The following CDH1 variants were observed in gnomAD, a reference collection of about 807,000 sequenced individuals.
CDH1 encodes cadherin-1.
CDH1 carries 35 observed loss-of-function variants against 84.5 expected under a neutral mutation model. The observed-to-expected ratio is 0.41, with a 90% CI of 0.32 to 0.55. The LOEUF (loss-of-function observed/expected upper bound fraction) is 0.55. Among genes scored for constraint, CDH1 ranks in the 20% least tolerant of loss-of-function variants. The pLI, the probability that CDH1 is intolerant of heterozygous loss-of-function variation, is 0.19. For missense variants in CDH1, 994 were observed against 1,126.6 expected (o/e 0.88, Z 1.68); for synonymous variants, 417 against 439.0 (o/e 0.95, Z 0.63).
At chr16:68,778,938 A>G (rs1016660777) in intron 2 of CDH1, among the ~76,000 whole-genome samples, 9 of 152,076 alleles carry the variant, frequency 5.9e-5, no homozygotes, top group African/African-American at 2.2e-4. Context: ...AGAAGGCAGG[A>G]AGTTCTCTGG....
intron 14 of CDH1, among the ~76,000 whole-genome samples, chr16:68,828,849 A>G (rs1001770458): frequency 6.6e-6 from 1 of 152,046 alleles, no homozygotes; most frequent in Admixed American, 6.6e-5. Context: ...ATAGAAAGGG[A>G]TCCATGGGGG....
At chr16:68,809,246 A>G (rs1213272267) in intron 5 of CDH1, among the ~76,000 whole-genome samples, 4 of 100,984 alleles carry the variant, frequency 4.0e-5, no homozygotes, top group Non-Finnish European at 7.9e-5. Context: ...TTTTTTTGAG[A>G]TAGGGTTTCA....
chr16:68,801,485 G>A (rs547087390), intron 2 of CDH1, among the ~76,000 whole-genome samples, 185 bp from the exon 3 acceptor site: 1 of 152,298 alleles, frequency 6.6e-6, no homozygotes, highest in African/African-American at 2.4e-5. Flanking sequence ...CAGAGCACAA[G>A]GAAGTCATCC....
chr16:68,756,386 G>C (rs1375824398), intron 2 of CDH1, among the ~76,000 whole-genome samples: 1 of 152,022 alleles, frequency 6.6e-6, no homozygotes, highest in Non-Finnish European at 1.5e-5. Flanking sequence ...GTGGGGTGGG[G>C]CCCTGAGTCA....
At chr16:68,771,244 T>C (rs190985466) in intron 2 of CDH1, 2 of 152,116 alleles carry the variant, frequency 1.3e-5, no homozygotes, top group Non-Finnish European at 2.9e-5. Flanking sequence ...GATCTTCTTT[T>C]TCAGCCCTAG....
At chr16:68,756,860 G>A (rs1963030261) in intron 2 of CDH1, among the ~76,000 whole-genome samples, 1 of 152,128 alleles carries the variant, frequency 6.6e-6, no homozygotes, top group Non-Finnish European at 1.5e-5. Flanking sequence ...CAATTACCCA[G>A]GCATGGTGGC....
chr16:68,820,352 ATTT>A (rs1323169351), intron 11 of CDH1, among the ~76,000 whole-genome samples: 2 of 138,782 alleles, frequency 1.4e-5, no homozygotes, highest in Non-Finnish European at 1.6e-5. Flanking sequence ...TTGCTGTTTA[ATTT>A]TTTTTTTTTT....
intron 2 of CDH1, among the ~76,000 whole-genome samples, chr16:68,758,695 G>A (rs1963083945): frequency 6.6e-6 from 1 of 151,402 alleles, no homozygotes; most frequent in African/African-American, 2.4e-5. Flanking sequence ...TAGTGTAAGT[G>A]TCAAAGGAGC....
At chr16:68,827,159 T>C (rs975063325) in intron 13 of CDH1, among the ~76,000 whole-genome samples, 1 of 151,974 alleles carries the variant, frequency 6.6e-6, no homozygotes, top group Non-Finnish European at 1.5e-5. Context: ...TAGTCCTACC[T>C]ACTTGGGAGG....
At chr16:68,745,549 A>AAATATATATATATATAGGT (rs1555510453) in intron 2 of CDH1, among the ~76,000 whole-genome samples, 1 of 75,182 alleles carries the variant, frequency 1.3e-5, no homozygotes, top group Non-Finnish European at 2.4e-5. Flanking sequence ...AAAAAAAAAA[A>AAATATATATATATATAGGT]ATATATATAT....
At chr16:68,772,857 G>A (rs1305958245) in intron 2 of CDH1, among the ~76,000 whole-genome samples, 2 of 152,020 alleles carry the variant, frequency 1.3e-5, no homozygotes, top group Non-Finnish European at 2.9e-5. Context: ...AGCCTGGGAG[G>A]TCAATGCTGC....
intron 10 of CDH1, among the ~76,000 whole-genome samples, chr16:68,818,351 T>C (rs1961039116): frequency 6.6e-6 from 1 of 151,772 alleles, no homozygotes; most frequent in Admixed American, 6.6e-5. Context: ...TAAAGGAACA[T>C]GACTTCTGCA....
intron 2 of CDH1, among the ~76,000 whole-genome samples, chr16:68,791,021 G>A (rs556114141): frequency 6.6e-6 from 1 of 152,322 alleles, no homozygotes; most frequent in East Asian, 1.9e-4. Context: ...TGGCCCGCAG[G>A]AGCAAGAGCT....
intron 2 of CDH1, among the ~76,000 whole-genome samples, chr16:68,760,090 T>A (rs201184578): frequency 0.029 from 3,148 of 108,734 alleles, 56 homozygotes; most frequent in African/African-American, 0.057. Context: ...ATATATATTT[T>A]TTTTTTTTTT....
chr16:68,776,449 C>T (rs1959735258), intron 2 of CDH1, among the ~76,000 whole-genome samples: 1 of 152,096 alleles, frequency 6.6e-6, no homozygotes, highest in African/African-American at 2.4e-5. Flanking sequence ...ATGGACAGTA[C>T]CTGACATTCA....
At position 68,834,932 on chromosome 16, in the gene CDH1, C is replaced by G. The variant is rs1260845610; in HGVS notation, c.*1433C>G. The stretch of plus-strand genomic sequence containing the variant: ...GATGCTGAGGATGATTGAGGTGGGT[C>G]TACCTCATCTCTGAAAATTCTGGAA... On this transcript the variant is annotated 3_prime_UTR_variant, in exon 16 of 16. Transcript: ENST00000261769. The G allele has an allele frequency of 4.3e-6, 1 of 232,330 alleles. No homozygotes were observed. Among genetic ancestry groups the G allele is most frequent in the Non-Finnish European group, 8.5e-6 (1 of 117,184 alleles). The allele number at this position is 232,330 out of a possible 1,614,324, so 14.4% of individuals were successfully genotyped here.
chr16:68,817,393 A>G (rs1402289234), intron 10 of CDH1, among the ~76,000 whole-genome samples: 1 of 152,236 alleles, frequency 6.6e-6, no homozygotes, highest in Non-Finnish European at 1.5e-5. Flanking sequence ...AATAAGGATT[A>G]TAGTAATCAT....
intron 2 of CDH1, among the ~76,000 whole-genome samples, chr16:68,798,294 C>T (rs899574971): frequency 6.6e-6 from 1 of 152,080 alleles, no homozygotes; most frequent in African/African-American, 2.4e-5. Flanking sequence ...GTATTCTGAT[C>T]CTCCAGTTTC....
chr16:68,745,093 G>A (rs1078621), intron 2 of CDH1, among the ~76,000 whole-genome samples: 73,470 of 151,620 alleles, frequency 0.48, 19,078 homozygotes, highest in Non-Finnish European at 0.59. Context: ...TGGAGGTTGT[G>A]TAGAACTGGA....
Sources: gnomAD v4.1 joint callset for allele counts (sites outside exome capture counted in the v4.1 genomes callset) on GRCh38, gnomAD v4.1.1 for gene constraint, MANE v1.5 for transcripts, NCBI Gene and HGNC (gene_info 2026-07-23, HGNC 2026-07-21) for gene names.